Variants in MECOM observed in about 807,000 individuals in gnomAD.
MECOM encodes MDS1 and EVI1 complex locus, also known as histone-lysine N-methyltransferase MECOM.
A neutral mutation model predicts 116.3 loss-of-function variants in MECOM; 13 were observed. The ratio of observed to expected loss-of-function variants is 0.11; its 90% CI spans 0.07 to 0.18. The LOEUF (loss-of-function observed/expected upper bound fraction) is 0.18. MECOM is among the 10% of genes least tolerant of loss of function. The pLI is 1.00. For synonymous variants in MECOM, 528 were observed against 535.2 expected (o/e 0.99, Z 0.19); for missense variants, 1,299 against 1,509.0 (o/e 0.86, Z 2.31).
chr3:169,575,393 A>G (rs552356486), intron 1 of MECOM, among the ~76,000 whole-genome samples: 311 of 152,186 alleles, frequency 2.0e-3, no homozygotes, highest in Non-Finnish European at 3.2e-3. Flanking sequence ...ACCCTGGGGG[A>G]CTGAAAAAGA....
In MECOM at chr3:169,216,063, C is replaced by T. The variant is rs1276562433; in HGVS notation, c.376-72231G>A. On this transcript the variant is annotated intron_variant, in intron 2 of 16. Transcript: ENST00000651503. The stretch of plus-strand genomic sequence containing the variant: ...TCATTATTTAGCATTTGCCATGAGT[C>T]GTATGTAAGCCAAAGTTATTTTAGT... Among the ~76,000 whole-genome samples, 7 of 152,190 alleles carry T rather than the reference C, an allele frequency of 4.6e-5. No individual in the cohort carries two copies. In the East Asian group the frequency reaches 7.7e-4, roughly 17 times the overall value.
chr3:169,423,127 A>C (rs1347904063), intron 1 of MECOM, among the ~76,000 whole-genome samples: 3 of 152,072 alleles, frequency 2.0e-5, no homozygotes, highest in Non-Finnish European at 4.4e-5. Context: ...CATTTCTAAT[A>C]AGCTCCTAGG....
chr3:169,314,158 A>G (rs759024185), intron 2 of MECOM, among the ~76,000 whole-genome samples: 9 of 152,246 alleles, frequency 5.9e-5, no homozygotes, highest in Non-Finnish European at 1.0e-4. Flanking sequence ...GGTCAGCTCC[A>G]TTCAGCCATT....
intron 2 of MECOM, among the ~76,000 whole-genome samples, chr3:169,162,923 C>A (rs960848341): frequency 6.6e-6 from 1 of 151,948 alleles, no homozygotes; most frequent in Non-Finnish European, 1.5e-5. Context: ...CCAGGCATAA[C>A]GTTTTGTAGG....
At chr3:169,458,946 C>T (rs1746975152) in intron 1 of MECOM, among the ~76,000 whole-genome samples, 1 of 152,190 alleles carries the variant, frequency 6.6e-6, no homozygotes, top group African/African-American at 2.4e-5. Context: ...AGCATGTTCA[C>T]ACCTTGCAAA....
At chr3:169,472,994 A>T (rs1364561473) in intron 1 of MECOM, 1 of 982,380 alleles carries the variant, frequency 1.0e-6, no homozygotes, top group Admixed American at 6.1e-5. Context: ...CCCAGATACC[A>T]TGCCAAATGT....
intron 3 of MECOM, among the ~76,000 whole-genome samples, chr3:169,138,202 G>C (rs1324395286): frequency 6.6e-6 from 1 of 152,042 alleles, no homozygotes; most frequent in Non-Finnish European, 1.5e-5. Context: ...TGTATGTGAT[G>C]CTTTGTGATC....
chr3:169,117,137 C>A (rs1007327268), intron 7 of MECOM, among the ~76,000 whole-genome samples: 2 of 151,992 alleles, frequency 1.3e-5, no homozygotes, highest in African/African-American at 4.8e-5. Flanking sequence ...ACAACAAGAA[C>A]CCCTTTCAAA....
At chr3:169,183,529 C>T (rs753628528) in intron 2 of MECOM, among the ~76,000 whole-genome samples, 1 of 152,118 alleles carries the variant, frequency 6.6e-6, no homozygotes, top group Non-Finnish European at 1.5e-5. Context: ...ATATTTCACC[C>T]TTTTGCTGAA....
At chr3:169,491,347 G>A (rs1753069232) in intron 1 of MECOM, among the ~76,000 whole-genome samples, 1 of 152,096 alleles carries the variant, frequency 6.6e-6, no homozygotes, top group African/African-American at 2.4e-5. Flanking sequence ...GGTCTCATGA[G>A]TATGGACTAC....
intron 9 of MECOM, 137 bp from the exon 10 acceptor site, chr3:169,108,089 C>T (rs1202526781): frequency 1.7e-6 from 1 of 577,484 alleles, no homozygotes; most frequent in East Asian, 3.0e-5. Context: ...TGAGTAAAAG[C>T]TTTGGAAATA....
rs1560197584 is a variant in MECOM at position 169,378,498 on chromosome 3, AAAGAAAGAAAGAAAG to A, written c.375+2674_375+2688del. Among the ~76,000 whole-genome samples, 21 of 35,332 alleles carry A rather than the reference AAAGAAAGAAAGAAAG, an allele frequency of 5.9e-4. 1 individual carries two copies. Among genetic ancestry groups the A allele is most frequent in the African/African-American group, 2.8e-3 (10 of 3,600 alleles). The allele number at this position is 35,332 out of a possible 152,430, so 23.2% of individuals were successfully genotyped here. On this transcript the variant is annotated intron_variant, in intron 2 of 16. Transcript: ENST00000651503. ...GCAAGAAAGAGAGAGAGAAAGAAAG[AAAGAAAGAAAGAAAG>A]AAAAGAAAGAAAGAAAGAAAGAAAG...
intron 2 of MECOM, among the ~76,000 whole-genome samples, chr3:169,360,607 A>G (rs923705339): frequency 4.6e-5 from 7 of 151,790 alleles, no homozygotes; most frequent in Admixed American, 3.3e-4. Context: ...TTATCGCAAT[A>G]TATTTAGTTA....
chr3:169,120,722 CAA>C (rs1730741469), intron 7 of MECOM, among the ~76,000 whole-genome samples: 1 of 152,164 alleles, frequency 6.6e-6, no homozygotes, highest in Admixed American at 6.5e-5. Flanking sequence ...TGCTGCTTTA[CAA>C]AGCCATGAAC....
At chr3:169,216,216 C>CTGATGGTA (rs1751402550) in intron 2 of MECOM, among the ~76,000 whole-genome samples, 1 of 152,118 alleles carries the variant, frequency 6.6e-6, no homozygotes, top group Admixed American at 6.5e-5. Flanking sequence ...TCTTTCTTTT[C>CTGATGGTA]TGATGGTATG....
At chr3:169,404,944 G>A (rs1736457461) in intron 1 of MECOM, among the ~76,000 whole-genome samples, 1 of 152,098 alleles carries the variant, frequency 6.6e-6, no homozygotes, top group African/African-American at 2.4e-5. Context: ...CCCTGATATG[G>A]CCTCCTCTCT....
chr3:169,282,153 C>T (rs1217686029), intron 2 of MECOM, among the ~76,000 whole-genome samples: 1 of 152,098 alleles, frequency 6.6e-6, no homozygotes, highest in Admixed American at 6.6e-5. Context: ...AATTAGGTTC[C>T]TGGGGGAGGA....
intron 3 of MECOM, among the ~76,000 whole-genome samples, chr3:169,135,177 T>C (rs1338226103): frequency 6.6e-6 from 1 of 152,042 alleles, no homozygotes; most frequent in Non-Finnish European, 1.5e-5. Context: ...CTCATTTTTG[T>C]GTTGGAGAAA....
intron 1 of MECOM, among the ~76,000 whole-genome samples, chr3:169,570,174 A>G (rs1320011180): frequency 6.6e-6 from 1 of 152,228 alleles, no homozygotes; most frequent in African/African-American, 2.4e-5. Context: ...CTGATCCCAC[A>G]GAAATACAAA....
Sources: allele counts gnomAD v4.1 joint callset (sites outside exome capture counted in the v4.1 genomes callset), GRCh38; gene constraint gnomAD v4.1.1; transcripts MANE v1.5; gene names NCBI Gene and HGNC (gene_info 2026-07-23, HGNC 2026-07-21).